Variants in ASTN2 observed in about 807,000 individuals in gnomAD.
The protein encoded by ASTN2 is astrotactin-2.
ASTN2 carries 54 observed loss-of-function variants against 139.8 expected under a neutral mutation model. That is an observed-to-expected ratio of 0.39 (90% CI 0.31 to 0.48). The LOEUF (loss-of-function observed/expected upper bound fraction) is 0.48, where lower values mean the gene tolerates loss of function less well. ASTN2 is among the 20% of genes least tolerant of loss of function. The pLI is 0.95. For synonymous variants in ASTN2, 756 were observed against 719.5 expected (o/e 1.05, Z -0.81); for missense variants, 1,565 against 1,725.1 (o/e 0.91, Z 1.64).
chr9:117,210,103 C>T (rs1832071305), intron 3 of ASTN2, among the ~76,000 whole-genome samples: 1 of 151,936 alleles, frequency 6.6e-6, no homozygotes, highest in Non-Finnish European at 1.5e-5. Context: ...TATCAAAGAA[C>T]TAGAAAGATT....
chr9:116,653,442 T>C (rs1305732709), intron 16 of ASTN2, among the ~76,000 whole-genome samples: 1 of 152,220 alleles, frequency 6.6e-6, no homozygotes, highest in Non-Finnish European at 1.5e-5. Context: ...TCAAAAACCT[T>C]GAAGAAGCAA....
chr9:117,316,662 T>A (rs11790950), intron 1 of ASTN2, among the ~76,000 whole-genome samples: 2 of 152,014 alleles, frequency 1.3e-5, no homozygotes, highest in Admixed American at 1.3e-4. Flanking sequence ...TGTTTCTGCC[T>A]CCATTGAATG....
At chr9:116,711,792 C>T (rs1233775460) in intron 16 of ASTN2, among the ~76,000 whole-genome samples, 1 of 152,096 alleles carries the variant, frequency 6.6e-6, no homozygotes, top group African/African-American at 2.4e-5. Flanking sequence ...ATATTTTTCA[C>T]ATACATTAAT....
At chr9:116,446,897 G>A (rs73655118) in intron 20 of ASTN2, among the ~76,000 whole-genome samples, 2,286 of 152,270 alleles carry the variant, frequency 0.015, 72 homozygotes, top group African/African-American at 0.053. Context: ...TAACTACTCC[G>A]AAGTATTTTT....
intron 19 of ASTN2, among the ~76,000 whole-genome samples, chr9:116,523,874 C>T (rs1850981235): frequency 4.6e-5 from 7 of 152,126 alleles, no homozygotes; most frequent in Admixed American, 3.9e-4. Context: ...AAGAACCAGC[C>T]CTCTACAAGG....
chr9:116,976,016 G>A, intron 9 of ASTN2, 98 bp downstream of exon 9: 3 of 1,163,978 alleles, frequency 2.6e-6, no homozygotes, highest in Non-Finnish European at 3.8e-6. Context: ...CAGCTCAGAA[G>A]TGCACAGGCT....
At chr9:116,832,627 TTTC>T (rs1019405494) in intron 11 of ASTN2, among the ~76,000 whole-genome samples, 3 of 152,100 alleles carry the variant, frequency 2.0e-5, no homozygotes, top group African/African-American at 7.2e-5. Context: ...TGATGTGATT[TTTC>T]TTCTTCTGCC....
At chr9:116,998,624 T>C (rs1380206052) in intron 7 of ASTN2, among the ~76,000 whole-genome samples, 1 of 152,142 alleles carries the variant, frequency 6.6e-6, no homozygotes, top group East Asian at 1.9e-4. Context: ...GATGTATTGA[T>C]ACAGGAACTG....
chr9:116,424,660 C>G lies in ASTN2; in HGVS notation c.*1191G>C, dbSNP rs985305151. 3.3e-5 allele frequency among the ~76,000 whole-genome samples: 5 copies of G among 150,496 alleles called. No individual in the cohort carries two copies. The highest frequency in any genetic ancestry group is 1.2e-4 in the African/African-American group (5 of 40,864). ...TGGCTCCATGTCAGTTCACTGCAAA[C>G]TCTGCCTCCCAGGTTCAAGCAATTC... On this transcript the variant is annotated 3_prime_UTR_variant, in exon 23 of 23. Transcript: ENST00000313400.
chr9:117,214,673 G>A lies in ASTN2; in HGVS notation c.700C>T (p.Gln234Ter). ...TVALYAQRRW[Q>*]KRRRIPQKSA... ...TTCTGGGGGATGCGGCGACGCTTCT[G>A]CCAACGTCGCTGGGCGTACAGCGCC... The change falls in exon 3 of 23, where the codon CAG becomes TAG. Residue 234 changes from glutamine to a stop codon, truncating the protein, a stop_gained. Transcript: ENST00000313400. LOFTEE classifies it high-confidence loss of function. 6.5e-7 allele frequency: 1 copy of A among 1,540,866 alleles called. No individual in the cohort carries two copies. Among genetic ancestry groups the A allele is most frequent in the Non-Finnish European group, 8.8e-7 (1 of 1,136,272 alleles).
intron 2 of ASTN2, among the ~76,000 whole-genome samples, chr9:117,275,665 A>T (rs532113007): frequency 2.0e-5 from 3 of 148,328 alleles, no homozygotes; most frequent in African/African-American, 7.5e-5. Flanking sequence ...TCCCAGATTC[A>T]AGGGATTCTC....
chr9:116,970,469 C>T (rs978960114), intron 10 of ASTN2, among the ~76,000 whole-genome samples: 1 of 152,170 alleles, frequency 6.6e-6, no homozygotes, highest in African/African-American at 2.4e-5. Flanking sequence ...CCACCTCTGA[C>T]TTTGTGTCTT....
In ASTN2 at chr9:117,393,181, C is replaced by T. The variant is rs1470804297; in HGVS notation, c.442+21316G>A. Reference sequence around the variant, plus strand: ...GCAAATACCATACTGGAATGTCTGACCCTGAGCAGAAGGAGCCAGCTTTAA... The same window carrying T: ...GCAAATACCATACTGGAATGTCTGATCCTGAGCAGAAGGAGCCAGCTTTAA... On this transcript the variant is annotated intron_variant, in intron 1 of 22. Coordinates refer to ENST00000313400, the MANE Select transcript of ASTN2 (RefSeq NM_001365068.1). 2.6e-5 allele frequency among the ~76,000 whole-genome samples: 4 copies of T among 152,232 alleles called. No homozygotes were observed. The East Asian group carries it at 7.7e-4, about 29-fold the overall frequency.
At chr9:116,869,432 C>A (rs1354539389) in intron 10 of ASTN2, among the ~76,000 whole-genome samples, 1 of 152,116 alleles carries the variant, frequency 6.6e-6, no homozygotes, top group Non-Finnish European at 1.5e-5. Context: ...GTCCTTGATT[C>A]TTATCAAAGT....
chr9:117,378,056 T>C (rs1830171915), intron 1 of ASTN2, among the ~76,000 whole-genome samples: 1 of 152,258 alleles, frequency 6.6e-6, no homozygotes, highest in Admixed American at 6.5e-5. Flanking sequence ...GTTGCGTTTA[T>C]ATTTTTATAA....
At chr9:116,933,214 G>A (rs970547155) in intron 10 of ASTN2, among the ~76,000 whole-genome samples, 7 of 152,000 alleles carry the variant, frequency 4.6e-5, no homozygotes, top group Non-Finnish European at 1.0e-4. Context: ...CAAAAAGAAA[G>A]GAACTAACTC....
chr9:116,718,989 T>TATATAC (rs1467104824), intron 16 of ASTN2, among the ~76,000 whole-genome samples: 1 of 145,096 alleles, frequency 6.9e-6, no homozygotes, highest in Admixed American at 7.0e-5. Flanking sequence ...TATATATATA[T>TATATAC]ATCTGCCTAT....
At chr9:117,080,337 T>C (rs1184002791) in intron 5 of ASTN2, among the ~76,000 whole-genome samples, 1 of 152,238 alleles carries the variant, frequency 6.6e-6, no homozygotes, top group African/African-American at 2.4e-5. Context: ...AGTGGATGCA[T>C]CATCATTTAC....
chr9:117,036,144 C>T (rs758942909), intron 6 of ASTN2, among the ~76,000 whole-genome samples: 10 of 152,114 alleles, frequency 6.6e-5, no homozygotes, highest in Non-Finnish European at 1.0e-4. Flanking sequence ...GCTAACTTGA[C>T]TCTTCTATGT....
Sources: gnomAD v4.1 joint callset for allele counts (sites outside exome capture counted in the v4.1 genomes callset) on GRCh38, gnomAD v4.1.1 for gene constraint, MANE v1.5 for transcripts, NCBI Gene and HGNC (gene_info 2026-07-23, HGNC 2026-07-21) for gene names.